CELF2: variants seen among roughly 807,000 people sequenced by gnomAD.
The protein encoded by CELF2 is CUG triplet repeat RNA-binding protein 2.
A neutral mutation model predicts 62.6 loss-of-function variants in CELF2; 8 were observed. The ratio of observed to expected loss-of-function variants is 0.13; its 90% CI spans 0.07 to 0.23. CELF2 has a LOEUF of 0.23. Ranked by LOEUF, CELF2 falls within the 10% of genes least tolerant of loss-of-function variation. The pLI, the probability that CELF2 is intolerant of heterozygous loss-of-function variation, is 1.00. For missense variants in CELF2, 333 were observed against 671.0 expected, an observed-to-expected ratio of 0.50 and a Z score of 5.56; for synonymous variants, 258 against 250.0, an observed-to-expected ratio of 1.03 and a Z score of -0.30.
At chr10:11,190,346 C>T (rs1007099303) in intron 2 of CELF2, among the ~76,000 whole-genome samples, 12 of 152,050 alleles carry the variant, frequency 7.9e-5, no homozygotes, top group Admixed American at 1.3e-4. Flanking sequence ...ATATCTTAGG[C>T]TAAAAGTAAT....
the CELF2 span, among the ~76,000 whole-genome samples, chr10:10,616,786 A>C: frequency 6.6e-6 from 1 of 151,636 alleles, no homozygotes; most frequent in Non-Finnish European, 1.5e-5. Context: ...GTGGCATAAT[A>C]ATCATAGCTC....
chr10:10,536,455 G>A, the CELF2 span, among the ~76,000 whole-genome samples: 1 of 152,202 alleles, frequency 6.6e-6, no homozygotes. Flanking sequence ...CAGGTGCTCT[G>A]TCAGCAAATA....
Position 11,156,271 on chromosome 10 carries a change from A to G in CELF2, c.75-9215A>G, listed in dbSNP as rs899212333. Among the ~76,000 whole-genome samples, 1 of 152,152 alleles carries G rather than the reference A, an allele frequency of 6.6e-6. No individual in the cohort carries two copies. The highest frequency in any genetic ancestry group is 1.5e-5 in the Non-Finnish European group (1 of 68,030). On this transcript the variant is annotated intron_variant, in intron 1 of 12. Coordinates refer to ENST00000633077, the MANE Select transcript of CELF2 (RefSeq NM_001326342.2). The surrounding 1 kb of genome is among the most constrained non-coding windows in gnomAD (Gnocchi z 4.3). ...ATAGGACGGCACTGGACGGGATAAC[A>G]TGGCTCTTAATAGTGGCGACAGATC...
rs2076297229 is a variant in CELF2 at position 11,191,566 on chromosome 10, A to T, written c.272-25859A>T. 6.6e-6 allele frequency among the ~76,000 whole-genome samples: 1 copy of T among 152,032 alleles called. No homozygotes were observed. Among genetic ancestry groups the T allele is most frequent in the Non-Finnish European group, 1.5e-5 (1 of 67,996 alleles). Reference sequence around the variant, plus strand: ...ACAGGGACACCACCTTGAAATCTGAAGTCACTGAGTAGCAGGGGAGGTTGG... The same window carrying T: ...ACAGGGACACCACCTTGAAATCTGATGTCACTGAGTAGCAGGGGAGGTTGG... On this transcript the variant is annotated intron_variant, in intron 2 of 12. Coordinates refer to ENST00000633077, the MANE Select transcript of CELF2 (RefSeq NM_001326342.2). This position sits in a 1 kb window ranked among gnomAD's most constrained non-coding sequence, Gnocchi z 4.1.
In CELF2 at chr10:11,165,056, G is replaced by T; in HGVS notation, c.75-430G>T. 3.4e-6 allele frequency: 1 copy of T among 292,402 alleles called. No individual in the cohort carries two copies. Among genetic ancestry groups the T allele is most frequent in the Non-Finnish European group, 4.9e-6 (1 of 202,434 alleles). 18.1% of individuals were successfully genotyped at this position (292,402 alleles called of 1,614,324 possible). ...AAAGGGCGGTGGGGCGGGGGGCGGG[G>T]CAGGGAGAGGGAGAGAAATCCAGCA... is the stretch of plus-strand genomic sequence containing the variant. On this transcript the variant is annotated intron_variant, in intron 1 of 12. Transcript: ENST00000633077. The surrounding 1 kb of genome is among the most constrained non-coding windows in gnomAD (Gnocchi z 7.4).
At chr10:10,836,879 C>T (rs1373024824) in intron 1 of CELF2, among the ~76,000 whole-genome samples, 1 of 152,228 alleles carries the variant, frequency 6.6e-6, no homozygotes, top group Non-Finnish European at 1.5e-5. Context: ...TCGTGATCTG[C>T]CTGCCTTGTC....
intron 2 of CELF2, among the ~76,000 whole-genome samples, chr10:11,185,071 T>C (rs992079200): frequency 3.3e-5 from 5 of 152,362 alleles, no homozygotes; most frequent in Non-Finnish European, 2.9e-5. Flanking sequence ...CTGAGAATTA[T>C]CATCAGGAAT....
At chr10:10,647,924 T>C in the CELF2 span, among the ~76,000 whole-genome samples, 2 of 152,176 alleles carry the variant, frequency 1.3e-5, no homozygotes, top group Non-Finnish European at 2.9e-5. Context: ...TTAGGACCAA[T>C]CCATTGTTAC....
rs186209313 is a variant in CELF2, at chr10:11,280,364, C to A, written c.841+5244C>A. Among the ~76,000 whole-genome samples the A allele has an allele frequency of 4.9e-4, 75 of 152,280 alleles. No individual in the cohort carries two copies. Among genetic ancestry groups the A allele is most frequent in the African/African-American group, 1.8e-3 (75 of 41,562 alleles). ...CTAAGAAGGGAGAGGGAACCTCTGT[C>A]CTCACCCAGATGCCCTGGCTGGTGT... is the stretch of plus-strand genomic sequence containing the variant. On this transcript the variant is annotated intron_variant, in intron 8 of 12. Coordinates refer to ENST00000633077, the MANE Select transcript of CELF2 (RefSeq NM_001326342.2). This position sits in a 1 kb window ranked among gnomAD's most constrained non-coding sequence, Gnocchi z 7.6.
Position 11,177,149 on chromosome 10 carries a change from C to G in CELF2, c.271+11467C>G, listed in dbSNP as rs922365474. Among the ~76,000 whole-genome samples the G allele has an allele frequency of 6.6e-6, 1 of 152,132 alleles. No individual in the cohort carries two copies. Among genetic ancestry groups the G allele is most frequent in the African/African-American group, 2.4e-5 (1 of 41,426 alleles). On this transcript the variant is annotated intron_variant, in intron 2 of 12. Transcript: ENST00000633077. The surrounding 1 kb of genome is among the most constrained non-coding windows in gnomAD (Gnocchi z 4.8). ...AAGGAAGTAAACATGTTAATACTAG[C>G]TTTCATAAATCCCCCTCTCTAAAAA...
the CELF2 span, among the ~76,000 whole-genome samples, chr10:10,583,236 A>G: frequency 6.6e-6 from 1 of 152,170 alleles, no homozygotes. Flanking sequence ...GAATTTATTT[A>G]TCTGCTCTTC....
At chr10:10,726,314 C>G in the CELF2 span, among the ~76,000 whole-genome samples, 1 of 152,126 alleles carries the variant, frequency 6.6e-6, no homozygotes, top group Non-Finnish European at 1.5e-5. Flanking sequence ...GGGTCATTGT[C>G]CATGTGTTTT....
the CELF2 span, among the ~76,000 whole-genome samples, chr10:10,650,777 C>G: frequency 3.9e-5 from 6 of 152,288 alleles, no homozygotes; most frequent in Non-Finnish European, 7.4e-5. Flanking sequence ...TAGCGTTCCT[C>G]AAAATATTTA....
chr10:11,112,835 G>A (rs936277175), intron 1 of CELF2, among the ~76,000 whole-genome samples: 4 of 152,184 alleles, frequency 2.6e-5, no homozygotes, highest in Non-Finnish European at 5.9e-5. Flanking sequence ...TTCCACATGC[G>A]TAGCCCATAT....
chr10:11,158,444 T>G (rs1424166294), intron 1 of CELF2, among the ~76,000 whole-genome samples: 1 of 151,986 alleles, frequency 6.6e-6, no homozygotes, highest in East Asian at 1.9e-4. Context: ...AACACCTACC[T>G]CTCCCTGTGC....
intron 9 of CELF2, among the ~76,000 whole-genome samples, chr10:11,298,306 C>T (rs1469624321): frequency 1.3e-5 from 2 of 152,206 alleles, no homozygotes; most frequent in African/African-American, 2.4e-5. Context: ...CCATCTCGAC[C>T]TGGTACTAGC....
chr10:11,099,886 A>ACAAC (rs762532391), intron 1 of CELF2, among the ~76,000 whole-genome samples: 100 of 88,068 alleles, frequency 1.1e-3, no homozygotes, highest in African/African-American at 6.1e-3. Flanking sequence ...AACAACAACA[A>ACAAC]AAAAAAAAAA....
At chr10:11,083,102 G>A (rs953044610) in intron 1 of CELF2, among the ~76,000 whole-genome samples, 2 of 152,220 alleles carry the variant, frequency 1.3e-5, no homozygotes, top group Non-Finnish European at 2.9e-5. Context: ...TGCATCCTTC[G>A]GTTGTGATTG....
At position 10,931,961 on chromosome 10, in the gene CELF2, C is replaced by T. The variant is rs990624538; in HGVS notation, c.89+11962C>T. Reference sequence around the variant, plus strand: ...ACTGCCCTTTATAAAACCATCACATCTCATGAGTCTTATTCACTATCATGA... The same window carrying T: ...ACTGCCCTTTATAAAACCATCACATTTCATGAGTCTTATTCACTATCATGA... On this transcript the variant is annotated intron_variant, in intron 2 of 13. Coordinates refer to the CELF2 transcript ENST00000636488. This position sits in a 1 kb window ranked among gnomAD's most constrained non-coding sequence, Gnocchi z 6.1. Among the ~76,000 whole-genome samples the T allele has an allele frequency of 2.0e-5, 3 of 152,128 alleles. No homozygotes were observed. Among genetic ancestry groups the T allele is most frequent in the African/African-American group, 7.2e-5 (3 of 41,422 alleles).
Sources: gnomAD v4.1 joint callset for allele counts (sites outside exome capture counted in the v4.1 genomes callset) on GRCh38, gnomAD v4.1.1 for gene constraint, Gnocchi (gnomAD v3.1) non-coding constraint, MANE v1.5 for transcripts, NCBI Gene and HGNC (gene_info 2026-07-23, HGNC 2026-07-21) for gene names.